The following HYDIN variants were observed in gnomAD, a reference collection of about 807,000 sequenced individuals.
HYDIN encodes the protein HYDIN axonemal central pair apparatus protein, also known as axonemal central pair apparatus protein HYDIN.
HYDIN carries 132 observed loss-of-function variants against 403.9 expected under a neutral mutation model. The ratio of observed to expected loss-of-function variants is 0.33; its 90% CI spans 0.28 to 0.38. The LOEUF is 0.38. Ranked by LOEUF, HYDIN falls within the 10% of genes least tolerant of loss-of-function variation. The probability of loss-of-function intolerance (pLI) is 1.00; values close to 1 mark genes in which losing one functional copy is unlikely to be tolerated. For synonymous variants in HYDIN, 1,202 were observed against 1,891.7 expected (o/e 0.64, Z 9.46); for missense variants, 2,827 against 5,009.5 (o/e 0.56, Z 13.15).
chr16:70,944,012 T>C (rs1196526233), intron 41 of HYDIN, 63 bp from the exon 42 acceptor site: 1 of 1,236,440 alleles, frequency 8.1e-7, no homozygotes. Context: ...ACTCCTACAC[T>C]TACCAGCCAC....
chr16:71,213,678 T>C (rs1320852890), intron 1 of HYDIN, among the ~76,000 whole-genome samples: 3 of 152,088 alleles, frequency 2.0e-5, no homozygotes, highest in Non-Finnish European at 4.4e-5. Context: ...TCAACAAAAA[T>C]TATATATAGC....
chr16:71,190,125 G>C (rs568360774), intron 1 of HYDIN, among the ~76,000 whole-genome samples: 1 of 152,248 alleles, frequency 6.6e-6, no homozygotes, highest in East Asian at 1.9e-4. Flanking sequence ...ACAGCGCAGA[G>C]ACCTGGATTG....
chr16:71,144,967 C>T (rs2085310498), intron 7 of HYDIN, among the ~76,000 whole-genome samples: 1 of 152,064 alleles, frequency 6.6e-6, no homozygotes, highest in African/African-American at 2.4e-5. Context: ...CAATCGGATG[C>T]TTATTTAATG....
chr16:70,995,238 C>G (rs1303210345), intron 23 of HYDIN, among the ~76,000 whole-genome samples: 3 of 152,150 alleles, frequency 2.0e-5, no homozygotes, highest in Non-Finnish European at 4.4e-5. Context: ...TCCTTTTACC[C>G]TCAGGAACAG....
chr16:71,053,767 A>G (rs1267156754), intron 18 of HYDIN, among the ~76,000 whole-genome samples: 1 of 150,942 alleles, frequency 6.6e-6, no homozygotes, highest in Non-Finnish European at 1.5e-5. Flanking sequence ...CTCCATAGAC[A>G]TTAACATTAA....
chr16:70,968,895 T>C (rs1328656760), intron 36 of HYDIN, among the ~76,000 whole-genome samples: 1 of 151,936 alleles, frequency 6.6e-6, no homozygotes, highest in Non-Finnish European at 1.5e-5. Context: ...AGTGAACAAT[T>C]ATGAACATAC....
intron 1 of HYDIN, among the ~76,000 whole-genome samples, chr16:71,221,726 G>C (rs1011832966): frequency 1.8e-4 from 27 of 152,248 alleles, no homozygotes; most frequent in Middle Eastern, 6.8e-3. Context: ...AAATAAAATA[G>C]ATAAATTACA....
At chr16:71,100,249 A>T (rs1208589806) in intron 10 of HYDIN, among the ~76,000 whole-genome samples, 2 of 152,252 alleles carry the variant, frequency 1.3e-5, no homozygotes, top group Non-Finnish European at 2.9e-5. Flanking sequence ...AAATGAATGA[A>T]TAAATAGAGA....
chr16:70,948,544 T>C (rs1009188811), intron 41 of HYDIN, among the ~76,000 whole-genome samples: 5 of 151,826 alleles, frequency 3.3e-5, no homozygotes, highest in Non-Finnish European at 5.9e-5. Flanking sequence ...GAGAAAATTT[T>C]TGCAACCTAC....
intron 9 of HYDIN, among the ~76,000 whole-genome samples, chr16:71,119,996 C>A (rs2084196660): frequency 6.6e-6 from 1 of 151,666 alleles, no homozygotes; most frequent in Non-Finnish European, 1.5e-5. Context: ...ATCAAAACAT[C>A]CAGAAATTTC....
At chr16:70,948,656 C>T (rs1385572643) in intron 41 of HYDIN, among the ~76,000 whole-genome samples, 2 of 151,634 alleles carry the variant, frequency 1.3e-5, no homozygotes, top group African/African-American at 4.8e-5. Flanking sequence ...AGGACATGAA[C>T]AGACACTTCT....
Position 70,970,674 on chromosome 16 carries a change from G to A in HYDIN, c.5465C>T (p.Pro1822Leu). 6.5e-7 allele frequency: 1 copy of A among 1,532,420 alleles called. No homozygotes were observed. Among genetic ancestry groups the A allele is most frequent in the Non-Finnish European group, 9.0e-7 (1 of 1,108,844 alleles). 94.9% of individuals were successfully genotyped at this position (1,532,420 alleles called of 1,614,324 possible). ...GACTGAAGGACTAAATTCCAGGCGT[G>A]GCTCTAGACCTTGCCCACGTGCCAG... ...TLLARGQGLEPRLEFSPSVLD... is the reference protein window; with the variant it reads ...TLLARGQGLELRLEFSPSVLD... The change falls in exon 36 of 86, where the codon CCA (proline) becomes CTA (leucine). Residue 1822 changes from proline to leucine, a missense_variant. Pro to Leu is a moderately conservative substitution (Grantham distance 98). Transcript: ENST00000393567.
At chr16:70,956,009 G>C (rs1365300720) in intron 39 of HYDIN, among the ~76,000 whole-genome samples, 1 of 151,946 alleles carries the variant, frequency 6.6e-6, no homozygotes, top group Non-Finnish European at 1.5e-5. Context: ...TAGTAGAGAT[G>C]GGGTTTCACC....
chr16:71,030,419 T>TGTTCTTC (rs2144153770), intron 19 of HYDIN, among the ~76,000 whole-genome samples: 1 of 151,410 alleles, frequency 6.6e-6, no homozygotes, highest in African/African-American at 2.4e-5. Context: ...ATGTGTGTGT[T>TGTTCTTC]GTTCTTCTTT....
chr16:70,983,994 A>T (rs1165340719), intron 28 of HYDIN, among the ~76,000 whole-genome samples: 1 of 152,172 alleles, frequency 6.6e-6, no homozygotes, highest in African/African-American at 2.4e-5. Flanking sequence ...ATAGTCTTAC[A>T]TTTTTTCATT....
chr16:71,184,229 G>C (rs2087030917), intron 3 of HYDIN, among the ~76,000 whole-genome samples: 1 of 151,994 alleles, frequency 6.6e-6, no homozygotes, highest in Admixed American at 6.6e-5. Flanking sequence ...TTTGAGAAGA[G>C]GTTAATCTCC....
At chr16:70,909,459 G>T (rs2076628331) in intron 47 of HYDIN, among the ~76,000 whole-genome samples, 1 of 150,878 alleles carries the variant, frequency 6.6e-6, no homozygotes, top group African/African-American at 2.4e-5. Flanking sequence ...TTGAAGGCCT[G>T]GTACAGTAAT....
At chr16:70,854,048 G>T (rs924448528) in intron 73 of HYDIN, among the ~76,000 whole-genome samples, 6 of 144,384 alleles carry the variant, frequency 4.2e-5, no homozygotes, top group Non-Finnish European at 3.1e-5. Flanking sequence ...CCTGGCTAAC[G>T]TTTGTAGTTT....
intron 18 of HYDIN, among the ~76,000 whole-genome samples, chr16:71,050,556 C>T (rs1300934284): frequency 4.6e-5 from 7 of 152,014 alleles, no homozygotes; most frequent in Non-Finnish European, 7.4e-5. Flanking sequence ...TTTATCCATC[C>T]CTCCCACTAA....
Sources: allele counts gnomAD v4.1 joint callset (sites outside exome capture counted in the v4.1 genomes callset), GRCh38; gene constraint gnomAD v4.1.1; transcripts MANE v1.5; gene names NCBI Gene and HGNC (gene_info 2026-07-23, HGNC 2026-07-21).